Variants in VAX2 observed in about 807,000 individuals in gnomAD.
The protein encoded by VAX2 is ventral anterior homeobox 2.
In VAX2, 8 loss-of-function variants were observed where a neutral mutation model predicts 12.5. The ratio of observed to expected loss-of-function variants is 0.64; its 90% confidence interval spans 0.37 to 1.15. The LOEUF is 1.15. VAX2 is among the 50% of genes most tolerant of loss of function. The pLI, the probability that VAX2 is intolerant of heterozygous loss-of-function variation, is 0.01. For synonymous variants in VAX2, 183 were observed against 187.6 expected (o/e 0.98, Z 0.20); for missense variants, 476 against 412.9 (o/e 1.15, Z -1.32).
At chr2:70,905,689 A>G (rs550798393) in intron 1 of VAX2, among the ~76,000 whole-genome samples, 76 of 152,304 alleles carry the variant, frequency 5.0e-4, no homozygotes, top group African/African-American at 1.7e-3. Flanking sequence ...ACACACCTGC[A>G]TCTTCAGGGA....
intron 2 of VAX2, among the ~76,000 whole-genome samples, chr2:70,928,907 G>T (rs1310725218): frequency 1.3e-5 from 2 of 152,244 alleles, no homozygotes; most frequent in Non-Finnish European, 2.9e-5. Context: ...CAATAGCCAA[G>T]TATTATTGTC....
chr2:70,920,612 A>C (rs1679434988), intron 1 of VAX2, among the ~76,000 whole-genome samples: 1 of 146,968 alleles, frequency 6.8e-6, no homozygotes, highest in Non-Finnish European at 1.5e-5. Flanking sequence ...CTGTGGATGC[A>C]TGACACTCCT....
intron 2 of VAX2, among the ~76,000 whole-genome samples, chr2:70,929,881 T>C (rs1167355644): frequency 2.6e-5 from 4 of 152,148 alleles, no homozygotes; most frequent in African/African-American, 7.2e-5. Context: ...ATCCTCTGCC[T>C]CCCCAACTCC....
intron 1 of VAX2, among the ~76,000 whole-genome samples, chr2:70,920,081 TTGTGTTGGTAA>T (rs1679418414): frequency 2.0e-5 from 3 of 152,184 alleles, no homozygotes; most frequent in Non-Finnish European, 4.4e-5. Context: ...CAAGGCGGCC[TTGTGTTGGTAA>T]GCTTCCCATT....
intron 2 of VAX2, among the ~76,000 whole-genome samples, chr2:70,923,521 A>C (rs1007587280): frequency 6.6e-6 from 1 of 152,170 alleles, no homozygotes; most frequent in Non-Finnish European, 1.5e-5. Flanking sequence ...TCTGTCCCAC[A>C]AGACAGTGCC....
chr2:70,915,195 A>G (rs1290875618), intron 1 of VAX2, among the ~76,000 whole-genome samples: 2 of 151,750 alleles, frequency 1.3e-5, no homozygotes, highest in Non-Finnish European at 2.9e-5. Flanking sequence ...TAGCTTTAAT[A>G]TAGTCAAATA....
At chr2:70,901,347 C>T (rs1436165385) in intron 1 of VAX2, among the ~76,000 whole-genome samples, 4 of 152,378 alleles carry the variant, frequency 2.6e-5, no homozygotes, top group South Asian at 4.1e-4. Context: ...CGTTTCCCGT[C>T]CCCGGCAATC....
At chr2:70,924,663 A>T (rs1679530419) in intron 2 of VAX2, among the ~76,000 whole-genome samples, 1 of 152,210 alleles carries the variant, frequency 6.6e-6, no homozygotes, top group South Asian at 2.1e-4. Context: ...AGCCTCAGAG[A>T]GGTTAACTAA....
rs1553409596 is a variant in VAX2, at chr2:70,900,713, C to A, written c.92C>A (p.Ala31Glu). 1 of 1,386,574 alleles carries A rather than the reference C, an allele frequency of 7.2e-7. No individual in the cohort carries two copies. Among genetic ancestry groups the A allele is most frequent in the Non-Finnish European group, 9.4e-7 (1 of 1,065,668 alleles). The allele number at this position is 1,386,574 out of a possible 1,614,324, so 85.9% of individuals were successfully genotyped here. ...GGGCGCTGCGGAGACCGCAGCGGAG[C>A]GGGGGACTTGCGAGCTGATGGCGGT... ...GGGRCGDRSGAGDLRADGGGH... is the reference protein window; with the variant it reads ...GGGRCGDRSGEGDLRADGGGH... Residue 31 changes from alanine to glutamate, a missense_variant, in exon 1 of 3, where the codon GCG becomes GAG. Coordinates refer to ENST00000234392, the MANE Select transcript of VAX2 (RefSeq NM_012476.3).
intron 1 of VAX2, among the ~76,000 whole-genome samples, chr2:70,917,529 T>C (rs1396422083): frequency 6.6e-6 from 1 of 152,120 alleles, no homozygotes; most frequent in African/African-American, 2.4e-5. Context: ...GCTTTTCCAC[T>C]CTCAGTATTT....
rs1553414569 is a variant in VAX2 at position 70,932,964 on chromosome 2, T to A, written c.633T>A (p.Pro211=). The change falls in exon 3 of 3, where the codon CCT becomes CCA. Residue 211 remains proline (P), a synonymous_variant. Transcript: ENST00000234392. ...TGACCCCTAGCCTGCCAGGCCTACCTGCCAGCCACAGGGGCACCTCCTTAG... is the reference window on the plus strand; with the variant it reads ...TGACCCCTAGCCTGCCAGGCCTACCAGCCAGCCACAGGGGCACCTCCTTAG... The part of the protein sequence containing the change: ...LALTPSLPGL[P]ASHRGTSLGD... The A allele has an allele frequency of 6.2e-7, 1 of 1,611,544 alleles. No individual in the cohort carries two copies. Among genetic ancestry groups the A allele is most frequent in the Admixed American group, 1.7e-5 (1 of 59,822 alleles).
At chr2:70,928,973 C>T (rs1553413930) in intron 2 of VAX2, among the ~76,000 whole-genome samples, 1 of 152,214 alleles carries the variant, frequency 6.6e-6, no homozygotes, top group African/African-American at 2.4e-5. Flanking sequence ...GGCCTGGCCT[C>T]AGGTCCTAGG....
At chr2:70,915,450 G>T (rs782204887) in intron 1 of VAX2, among the ~76,000 whole-genome samples, 1 of 151,054 alleles carries the variant, frequency 6.6e-6, no homozygotes, top group Non-Finnish European at 1.5e-5. Context: ...GGCTGGTCTC[G>T]AACTCCTGAC....
At chr2:70,928,305 C>T (rs1553413816) in intron 2 of VAX2, among the ~76,000 whole-genome samples, 1 of 152,238 alleles carries the variant, frequency 6.6e-6, no homozygotes, top group African/African-American at 2.4e-5. Flanking sequence ...GATTCACCCA[C>T]AGAGCTTTAG....
intron 2 of VAX2, among the ~76,000 whole-genome samples, chr2:70,926,883 G>C (rs1057293404): frequency 2.0e-5 from 3 of 152,010 alleles, no homozygotes; most frequent in African/African-American, 7.3e-5. Context: ...GGAAACTGAG[G>C]CTCCAAGAAG....
chr2:70,908,267 G>A (rs1463341806), intron 1 of VAX2, among the ~76,000 whole-genome samples: 1 of 152,172 alleles, frequency 6.6e-6, no homozygotes, highest in Non-Finnish European at 1.5e-5. Flanking sequence ...CTGGACTCAA[G>A]TGCTCACATA....
At chr2:70,909,432 C>T (rs1343838472) in intron 1 of VAX2, among the ~76,000 whole-genome samples, 2 of 152,014 alleles carry the variant, frequency 1.3e-5, no homozygotes, top group African/African-American at 4.8e-5. Flanking sequence ...AAACTCTTGG[C>T]CTCAAGCAAT....
At chr2:70,905,589 C>T (rs1020860225) in intron 1 of VAX2, among the ~76,000 whole-genome samples, 7 of 152,158 alleles carry the variant, frequency 4.6e-5, no homozygotes, top group African/African-American at 1.7e-4. Context: ...GAAGATTAGA[C>T]AGCTCCTTCC....
chr2:70,930,903 A>G (rs1383911182), intron 2 of VAX2, among the ~76,000 whole-genome samples: 1 of 152,124 alleles, frequency 6.6e-6, no homozygotes, highest in Non-Finnish European at 1.5e-5. Flanking sequence ...CCCCAGCTCC[A>G]GGCGAGGAGC....
Sources: allele counts gnomAD v4.1 joint callset (sites outside exome capture counted in the v4.1 genomes callset), GRCh38; gene constraint gnomAD v4.1.1; transcripts MANE v1.5; gene names NCBI Gene and HGNC (gene_info 2026-07-23, HGNC 2026-07-21).